THSD7A: variants seen among roughly 807,000 people sequenced by gnomAD.
THSD7A encodes thrombospondin type-1 domain-containing protein 7A.
Under a neutral mutation model 231.3 loss-of-function variants are expected in THSD7A, and 96 were observed. That is an observed-to-expected ratio of 0.41 (90% CI 0.35 to 0.49). The LOEUF is 0.49. Ranked by LOEUF, THSD7A falls within the 20% of genes least tolerant of loss-of-function variation. The pLI is 0.05. For synonymous variants in THSD7A, 940 were observed against 743.3 expected, an observed-to-expected ratio of 1.26 and a Z score of -4.30; for missense variants, 2,290 against 2,070.2, an observed-to-expected ratio of 1.11 and a Z score of -2.06.
intron 6 of THSD7A, among the ~76,000 whole-genome samples, chr7:11,492,672 G>A (rs1208952846): frequency 1.3e-5 from 2 of 152,066 alleles, no homozygotes; most frequent in African/African-American, 4.8e-5. Context: ...GGAGAGAACT[G>A]AAGCTAAGTG....
chr7:11,725,761 T>C (rs1176189277), intron 1 of THSD7A, among the ~76,000 whole-genome samples: 2 of 152,006 alleles, frequency 1.3e-5, no homozygotes, highest in African/African-American at 4.8e-5. Flanking sequence ...TGTGTAAATG[T>C]GGGTGCAGAT....
intron 4 of THSD7A, among the ~76,000 whole-genome samples, chr7:11,585,336 T>G (rs564435496): frequency 6.6e-6 from 1 of 152,328 alleles, no homozygotes; most frequent in Non-Finnish European, 1.5e-5. Flanking sequence ...TCCCACAAGA[T>G]ATACAGAGGA....
At chr7:11,707,472 T>A (rs1360015338) in intron 1 of THSD7A, among the ~76,000 whole-genome samples, 6 of 150,886 alleles carry the variant, frequency 4.0e-5, no homozygotes, top group Non-Finnish European at 3.0e-5. Flanking sequence ...TGGAAAACCC[T>A]GAGCATTTAT....
At chr7:11,775,047 G>A (rs1364901117) in intron 1 of THSD7A, among the ~76,000 whole-genome samples, 1 of 151,666 alleles carries the variant, frequency 6.6e-6, no homozygotes, top group East Asian at 1.9e-4. Context: ...TGTCTCAAAA[G>A]CAAACAAAAA....
chr7:11,531,260 C>A (rs1226590640), intron 6 of THSD7A, among the ~76,000 whole-genome samples: 1 of 152,164 alleles, frequency 6.6e-6, no homozygotes, highest in Non-Finnish European at 1.5e-5. Context: ...GGAATTATAG[C>A]TGAAGCTATA....
chr7:11,480,155 A>G (rs574034645), intron 7 of THSD7A, among the ~76,000 whole-genome samples: 1 of 152,324 alleles, frequency 6.6e-6, no homozygotes, highest in East Asian at 1.9e-4. Context: ...TGCAACCACT[A>G]AACTTAATTA....
chr7:11,569,991 G>T (rs1481168348), intron 4 of THSD7A, among the ~76,000 whole-genome samples: 1 of 151,940 alleles, frequency 6.6e-6, no homozygotes, highest in Non-Finnish European at 1.5e-5. Flanking sequence ...GGGAAACATG[G>T]CAAAACCCCC....
chr7:11,590,437 C>A lies in THSD7A; in HGVS notation c.1453+23G>T. 1 of 1,595,346 alleles carries A rather than the reference C, an allele frequency of 6.3e-7. No homozygotes were observed. The highest frequency in any genetic ancestry group is 8.5e-7 in the Non-Finnish European group (1 of 1,170,304). ...CTCAGTCAGTCTTCATAAGTGAATC[C>A]TTGAGAAGAAAGCAAAGGTTACCTT... On this transcript the variant is annotated intron_variant, in intron 4 of 27. Transcript: ENST00000423059. The surrounding 1 kb of genome is among the most constrained non-coding windows in gnomAD (Gnocchi z 4.4).
In THSD7A at chr7:11,820,420, C is replaced by G. The variant is rs572897587; in HGVS notation, c.190+11337G>C. On this transcript the variant is annotated intron_variant, in intron 1 of 27. Transcript: ENST00000423059. ...CTCCCCACTGAACTTGTCATGGGCCCACTTGGGGCTGGTGCTTGATTTCCA... is the reference window on the plus strand; with the variant it reads ...CTCCCCACTGAACTTGTCATGGGCCGACTTGGGGCTGGTGCTTGATTTCCA... 6.4e-4 allele frequency: 854 copies of G among 1,328,122 alleles called. 2 individuals carry two copies. Among genetic ancestry groups the G allele is most frequent in the South Asian group, 1.8e-3 (109 of 60,178 alleles). The allele number at this position is 1,328,122 out of a possible 1,614,324, so 82.3% of individuals were successfully genotyped here. A position where few individuals can be genotyped will look rare whatever the true frequency, so the allele number is the denominator to read the frequency against.
At chr7:11,391,557 A>C (rs1425699707) in intron 23 of THSD7A, among the ~76,000 whole-genome samples, 3 of 152,110 alleles carry the variant, frequency 2.0e-5, no homozygotes, top group African/African-American at 7.3e-5. Flanking sequence ...GCCCAGCCAG[A>C]CCACTTGGCC....
chr7:11,470,632 A>G (rs567124258), intron 8 of THSD7A, among the ~76,000 whole-genome samples: 2 of 151,652 alleles, frequency 1.3e-5, no homozygotes, highest in African/African-American at 2.4e-5. Context: ...TTTCTTTTCC[A>G]TTAGTCCCTA....
intron 1 of THSD7A, among the ~76,000 whole-genome samples, chr7:11,698,894 T>C (rs1424230539): frequency 1.3e-5 from 2 of 151,292 alleles, no homozygotes; most frequent in Non-Finnish European, 3.0e-5. Flanking sequence ...CTGTGTAGCA[T>C]AACTTTATTT....
chr7:11,410,375 A>C (rs2115380665), intron 19 of THSD7A: 1 of 152,268 alleles, frequency 6.6e-6, no homozygotes, highest in South Asian at 2.1e-4. Flanking sequence ...GGATGTGTAG[A>C]CAGAAGACAC....
chr7:11,448,704 A>T (rs539062447), intron 11 of THSD7A, among the ~76,000 whole-genome samples: 1 of 152,250 alleles, frequency 6.6e-6, no homozygotes, highest in African/African-American at 2.4e-5. Flanking sequence ...TAGCAATTTT[A>T]GCAAGGCAAG....
At chr7:11,500,480 G>A (rs1205320979) in intron 6 of THSD7A, among the ~76,000 whole-genome samples, 2 of 152,090 alleles carry the variant, frequency 1.3e-5, no homozygotes, top group East Asian at 3.9e-4. Context: ...AACCTTGAAT[G>A]TAAATGGGCT....
chr7:11,701,666 C>A (rs1371982865), intron 1 of THSD7A, among the ~76,000 whole-genome samples: 1 of 151,010 alleles, frequency 6.6e-6, no homozygotes, highest in Non-Finnish European at 1.5e-5. Flanking sequence ...TTTATAAGGT[C>A]TAGGACAGAA....
At position 11,770,741 on chromosome 7, in the gene THSD7A, G is replaced by C. The variant is rs569780768; in HGVS notation, c.190+61016C>G. 3.9e-5 allele frequency among the ~76,000 whole-genome samples: 6 copies of C among 152,186 alleles called. No individual in the cohort carries two copies. The South Asian group carries it at 1.2e-3, about 32-fold the overall frequency. ...GAGAAAACTATGCAAAAAAATTAAT[G>C]CTAAAGTAAGGTCAATATTTGTGGA... On this transcript the variant is annotated intron_variant, in intron 1 of 27. Coordinates refer to ENST00000423059, the MANE Select transcript of THSD7A (RefSeq NM_015204.3).
intron 1 of THSD7A, among the ~76,000 whole-genome samples, chr7:11,712,247 T>A (rs1780992227): frequency 6.6e-6 from 1 of 151,046 alleles, no homozygotes; most frequent in Non-Finnish European, 1.5e-5. Flanking sequence ...CTTTTCTGGG[T>A]GATGGGCTGA....
At chr7:11,801,168 T>C (rs1371855329) in intron 1 of THSD7A, among the ~76,000 whole-genome samples, 1 of 152,070 alleles carries the variant, frequency 6.6e-6, no homozygotes, top group African/African-American at 2.4e-5. Flanking sequence ...ACAAGATGTA[T>C]GTATTAAATG....
Sources: allele counts gnomAD v4.1 joint callset (sites outside exome capture counted in the v4.1 genomes callset), GRCh38; gene constraint gnomAD v4.1.1; non-coding constraint Gnocchi (gnomAD v3.1); transcripts MANE v1.5; gene names NCBI Gene and HGNC (gene_info 2026-07-23, HGNC 2026-07-21).